Variants in SUGCT observed in about 807,000 individuals in gnomAD.
SUGCT encodes succinyl-CoA:glutarate CoA-transferase.
A neutral mutation model predicts 55.0 loss-of-function variants in SUGCT; 41 were observed. That is an observed-to-expected ratio of 0.74 (90% CI 0.58 to 0.97). SUGCT has a LOEUF of 0.97. Among genes scored for constraint, SUGCT ranks in the 50% least tolerant of loss-of-function variants. The pLI is 0.00. For missense variants in SUGCT, 568 were observed against 547.8 expected (o/e 1.04, Z -0.37); for synonymous variants, 187 against 200.4 (o/e 0.93, Z 0.56).
chr7:40,296,294 G>T (rs1263396620), intron 8 of SUGCT, among the ~76,000 whole-genome samples: 1 of 152,078 alleles, frequency 6.6e-6, no homozygotes, highest in Non-Finnish European at 1.5e-5. Context: ...TTAAATATTC[G>T]ATTCCCTTGC....
chr7:41,017,368 A>G, the SUGCT span, among the ~76,000 whole-genome samples: 2 of 152,262 alleles, frequency 1.3e-5, no homozygotes, highest in African/African-American at 4.8e-5. Flanking sequence ...GCCACATGGC[A>G]GACCCTTCTA....
chr7:41,006,414 T>C, the SUGCT span, among the ~76,000 whole-genome samples: 1 of 152,156 alleles, frequency 6.6e-6, no homozygotes, highest in Non-Finnish European at 1.5e-5. Flanking sequence ...TTCTCCTCTT[T>C]GAAAGAGCTA....
At chr7:40,781,885 A>G (rs920658011) in intron 13 of SUGCT, among the ~76,000 whole-genome samples, 3 of 152,036 alleles carry the variant, frequency 2.0e-5, no homozygotes, top group Admixed American at 2.0e-4. Flanking sequence ...CAACTGTTAG[A>G]TTGTTTTGTA....
chr7:40,314,628 G>T (rs1046923174), intron 8 of SUGCT, among the ~76,000 whole-genome samples: 1 of 146,852 alleles, frequency 6.8e-6, no homozygotes, highest in Non-Finnish European at 1.5e-5. Context: ...GCAGTGGCAC[G>T]ATCTCAGCTC....
chr7:41,025,218 G>A, the SUGCT span, among the ~76,000 whole-genome samples: 1 of 152,186 alleles, frequency 6.6e-6, no homozygotes, highest in Non-Finnish European at 1.5e-5. Context: ...TCCAATATAT[G>A]TGCAATAATT....
intron 12 of SUGCT, among the ~76,000 whole-genome samples, chr7:40,566,062 A>G (rs1364177852): frequency 6.6e-6 from 1 of 151,606 alleles, no homozygotes; most frequent in African/African-American, 2.4e-5. Context: ...TCCTGGCCAT[A>G]ATATACACTC....
chr7:40,372,401 C>T (rs1391990968), intron 9 of SUGCT, among the ~76,000 whole-genome samples: 1 of 152,028 alleles, frequency 6.6e-6, no homozygotes, highest in African/African-American at 2.4e-5. Context: ...ATGGTTTGCT[C>T]TCTTTTATTT....
At chr7:40,688,364 C>G (rs1471685912) in intron 12 of SUGCT, among the ~76,000 whole-genome samples, 1 of 152,064 alleles carries the variant, frequency 6.6e-6, no homozygotes, top group East Asian at 1.9e-4. Context: ...CACGTTTGCC[C>G]CAAGAAATTA....
intron 12 of SUGCT, among the ~76,000 whole-genome samples, chr7:40,522,656 T>C (rs1188235811): frequency 6.6e-6 from 1 of 152,128 alleles, no homozygotes; most frequent in East Asian, 1.9e-4. Context: ...AAACATCTCA[T>C]AAATATTTTA....
chr7:40,983,936 G>T, the SUGCT span, among the ~76,000 whole-genome samples: 1 of 152,264 alleles, frequency 6.6e-6, no homozygotes, highest in East Asian at 1.9e-4. Context: ...GATAGATGGA[G>T]AGCTCCCAGA....
chr7:40,926,324 T>C, the SUGCT span, among the ~76,000 whole-genome samples: 1 of 152,088 alleles, frequency 6.6e-6, no homozygotes, highest in Non-Finnish European at 1.5e-5. Context: ...TTGGACTCTT[T>C]GTTTGGTGTT....
At chr7:40,852,038 A>G (rs1043539457) in intron 13 of SUGCT, among the ~76,000 whole-genome samples, 6 of 152,058 alleles carry the variant, frequency 3.9e-5, no homozygotes, top group Admixed American at 3.9e-4. Context: ...GCTGGCCAAA[A>G]CTCTTCCTTT....
chr7:40,355,845 AG>A (rs1309767965), intron 9 of SUGCT, among the ~76,000 whole-genome samples: 1 of 152,230 alleles, frequency 6.6e-6, no homozygotes, highest in Non-Finnish European at 1.5e-5. Context: ...CTTTTCACGC[AG>A]AAAGGTGCTG....
intron 12 of SUGCT, among the ~76,000 whole-genome samples, chr7:40,615,626 G>A (rs1798965637): frequency 6.6e-6 from 1 of 152,200 alleles, no homozygotes; most frequent in South Asian, 2.1e-4. Flanking sequence ...CAGTGGAGAA[G>A]TTGGGCAGAA....
chr7:40,487,250 GTTTTTTTTTTTTTTTTTTT>G (rs1167865633), intron 11 of SUGCT, among the ~76,000 whole-genome samples: 3 of 42,902 alleles, frequency 7.0e-5, no homozygotes, highest in African/African-American at 2.8e-4. Context: ...ACACCCAGCT[GTTTTTTTTTTTTTTTTTTT>G]TTTTTTTTTG....
At chr7:40,399,304 C>A (rs1034048206) in intron 9 of SUGCT, among the ~76,000 whole-genome samples, 1 of 152,034 alleles carries the variant, frequency 6.6e-6, no homozygotes, top group East Asian at 1.9e-4. Flanking sequence ...AAAATCTAAA[C>A]CCTGAGAGGA....
At chr7:40,533,758 A>G (rs1316907512) in intron 12 of SUGCT, among the ~76,000 whole-genome samples, 3 of 152,148 alleles carry the variant, frequency 2.0e-5, no homozygotes, top group Non-Finnish European at 2.9e-5. Context: ...TAGTGTTTTA[A>G]TAACTTTTGT....
chr7:40,272,141 CATATATATATATATATATAT>C (rs58480323), intron 7 of SUGCT, among the ~76,000 whole-genome samples: 11,386 of 46,530 alleles, frequency 0.24, 1,459 homozygotes, highest in Middle Eastern at 0.38. Flanking sequence ...TGCAATGTGA[CATATATATATATATATATAT>C]ATATATATAT....
At chr7:40,521,078 A>G (rs924789204) in intron 12 of SUGCT, among the ~76,000 whole-genome samples, 2 of 152,088 alleles carry the variant, frequency 1.3e-5, no homozygotes, top group Non-Finnish European at 2.9e-5. Flanking sequence ...GGAAAACTAG[A>G]TATTGTCAGT....
Sources: allele counts gnomAD v4.1 joint callset (sites outside exome capture counted in the v4.1 genomes callset), GRCh38; gene constraint gnomAD v4.1.1; transcripts MANE v1.5; gene names NCBI Gene and HGNC (gene_info 2026-07-23, HGNC 2026-07-21).